Variants in LPXN observed in about 807,000 individuals in gnomAD.
The protein encoded by LPXN is leupaxin.
In LPXN, 28 loss-of-function variants were observed where a neutral mutation model predicts 45.6. The observed-to-expected ratio is 0.61, with a 90% CI of 0.45 to 0.84. The LOEUF is 0.84. LPXN is among the 40% of genes least tolerant of loss of function. The pLI is 0.00. For synonymous variants in LPXN, 166 were observed against 169.9 expected (o/e 0.98, Z 0.18); for missense variants, 459 against 475.0 (o/e 0.97, Z 0.31).
chr11:58,536,354 A>G (rs556765526), intron 7 of LPXN, among the ~76,000 whole-genome samples: 1 of 152,268 alleles, frequency 6.6e-6, no homozygotes, highest in Admixed American at 6.5e-5. Flanking sequence ...AAATAACACC[A>G]CACATCTACA....
intron 3 of LPXN, among the ~76,000 whole-genome samples, chr11:58,563,454 G>A (rs1854437225): frequency 6.6e-6 from 1 of 152,214 alleles, no homozygotes; most frequent in Non-Finnish European, 1.5e-5. Context: ...CAAATAAGGT[G>A]TGATCTAGCA....
At chr11:58,557,648 G>A (rs1443423337) in intron 3 of LPXN, among the ~76,000 whole-genome samples, 1 of 152,056 alleles carries the variant, frequency 6.6e-6, no homozygotes, top group Non-Finnish European at 1.5e-5. Flanking sequence ...AAGAACTATC[G>A]GTAATGAAAT....
chr11:58,566,505 T>C (rs990927389), intron 2 of LPXN, among the ~76,000 whole-genome samples: 3 of 152,238 alleles, frequency 2.0e-5, no homozygotes, highest in Admixed American at 1.3e-4. Context: ...TGCAAAATCA[T>C]AGACTTTCAC....
At chr11:58,577,398 T>G (rs1415959813), upstream of LPXN, among the ~76,000 whole-genome samples, 2 of 152,232 alleles carry the variant, frequency 1.3e-5, no homozygotes, top group African/African-American at 4.8e-5. Context: ...AAAAATGTAC[T>G]TCAGCACTTG....
At position 58,528,153 on chromosome 11, in the gene LPXN, C is replaced by G. The variant is rs139496767; in HGVS notation, c.781G>C (p.Asp261His). 57 of 1,614,204 alleles carry G rather than the reference C, an allele frequency of 3.5e-5. No individual in the cohort carries two copies. In the African/African-American group the frequency reaches 7.1e-4, roughly 20 times the overall value. Residue 261 changes from aspartate to histidine, a missense_variant, in exon 8 of 9, where the codon GAT (aspartate) becomes CAT (histidine). By Grantham distance (81) the Asp-to-His change is moderately conservative. Coordinates refer to ENST00000395074, the MANE Select transcript of LPXN (RefSeq NM_004811.3). ...TTGGGTGAGAACATGGCTAAGAAAT[C>G]CTTTCGGCAATATGGCTTCTTGTCC... ...EKDKKPYCRKDFLAMFSPKCG... is the reference protein window; with the variant it reads ...EKDKKPYCRKHFLAMFSPKCG...
intron 3 of LPXN, among the ~76,000 whole-genome samples, chr11:58,561,118 C>T (rs982989228): frequency 2.0e-5 from 3 of 151,928 alleles, no homozygotes; most frequent in African/African-American, 4.9e-5. Context: ...CTCTGTCTCA[C>T]GACTACTCAA....
intron 7 of LPXN, among the ~76,000 whole-genome samples, chr11:58,543,793 TC>T (rs1485088730): frequency 6.6e-6 from 1 of 152,126 alleles, no homozygotes; most frequent in East Asian, 1.9e-4. Flanking sequence ...TTCTACCTCT[TC>T]CCCACTAAGA....
chr11:58,563,154 A>G (rs1210791897), intron 3 of LPXN, among the ~76,000 whole-genome samples: 1 of 152,096 alleles, frequency 6.6e-6, no homozygotes, highest in Non-Finnish European at 1.5e-5. Context: ...GATTTAAGAA[A>G]CCAAATATTT....
intron 7 of LPXN, among the ~76,000 whole-genome samples, chr11:58,544,838 A>C (rs1232957236): frequency 1.3e-5 from 2 of 152,180 alleles, no homozygotes; most frequent in Non-Finnish European, 2.9e-5. Flanking sequence ...AATTAAAAAG[A>C]AACACAGGTA....
rs571581480 is a variant in LPXN at position 58,533,177 on chromosome 11, C to T, written c.743-4986G>A. On this transcript the variant is annotated intron_variant, in intron 7 of 8. Coordinates refer to ENST00000395074, the MANE Select transcript of LPXN (RefSeq NM_004811.3). ...CATCTTTAAGAACTGTAACACTCAC[C>T]GCAAGGGTCCGCGGCTTCATTCTTG... Among the ~76,000 whole-genome samples the T allele has an allele frequency of 8.5e-5, 13 of 152,272 alleles. No individual in the cohort carries two copies. In the South Asian group the frequency reaches 1.0e-3, roughly 12 times the overall value.
At position 58,570,629 on chromosome 11, in the gene LPXN, T is replaced by A; in HGVS notation, c.98A>T (p.His33Leu). The part of the protein sequence containing the change: ...SNPAPLPLDQ[H>L]SRKETNLDET... ...ATCAAGGTTAGTCTCCTTTCTGGAATGCTGATCCAGGGGAAGAGGAGCTGG... is the reference window on the plus strand; with the variant it reads ...ATCAAGGTTAGTCTCCTTTCTGGAAAGCTGATCCAGGGGAAGAGGAGCTGG... Residue 33 changes from histidine to leucine, a missense_variant, in exon 2 of 9, where the codon CAT (histidine) becomes CTT (leucine). His to Leu is a moderately conservative substitution (Grantham distance 99, BLOSUM62 -3). Transcript: ENST00000395074. 1 of 1,613,706 alleles carries A rather than the reference T, an allele frequency of 6.2e-7. No homozygotes were observed. The highest frequency in any genetic ancestry group is 8.5e-7 in the Non-Finnish European group (1 of 1,179,764).
upstream of LPXN, chr11:58,578,167 A>C: frequency 7.5e-7 from 1 of 1,336,904 alleles, no homozygotes; most frequent in East Asian, 2.7e-5. Context: ...AAGAAAAAGT[A>C]GGAAAAACCC....
chr11:58,568,779 T>C (rs969103534), intron 2 of LPXN, among the ~76,000 whole-genome samples: 5 of 152,122 alleles, frequency 3.3e-5, no homozygotes, highest in Admixed American at 2.6e-4. Flanking sequence ...GTTAATAGGA[T>C]GTGAGAAAAA....
chr11:58,530,443 C>G (rs1853353542), intron 7 of LPXN, among the ~76,000 whole-genome samples: 2 of 152,214 alleles, frequency 1.3e-5, no homozygotes, highest in Non-Finnish European at 2.9e-5. Flanking sequence ...GAAGATCAAA[C>G]TGGGTGGAGC....
chr11:58,547,465 G>GA (rs1311900073), intron 7 of LPXN, among the ~76,000 whole-genome samples: 2 of 152,208 alleles, frequency 1.3e-5, no homozygotes, highest in African/African-American at 4.8e-5. Flanking sequence ...GCTGAGCCTG[G>GA]AGAGCATAAA....
intron 7 of LPXN, among the ~76,000 whole-genome samples, chr11:58,530,571 AC>A (rs1853358244): frequency 6.6e-6 from 1 of 151,614 alleles, no homozygotes; most frequent in Non-Finnish European, 1.5e-5. Context: ...TATAGATAAA[AC>A]CCCCATCTCC....
intron 3 of LPXN, among the ~76,000 whole-genome samples, chr11:58,558,017 AC>A (rs763992639): frequency 2.6e-5 from 4 of 151,330 alleles, no homozygotes; most frequent in South Asian, 2.1e-4. Flanking sequence ...TTTTGGAAAA[AC>A]AAAATAGGAG....
chr11:58,541,251 C>T (rs917747470), intron 7 of LPXN, among the ~76,000 whole-genome samples: 1 of 152,048 alleles, frequency 6.6e-6, no homozygotes. Flanking sequence ...AGTGAACAGG[C>T]AACTTACAAA....
At chr11:58,531,583 T>A (rs190158443) in intron 7 of LPXN, among the ~76,000 whole-genome samples, 1 of 152,258 alleles carries the variant, frequency 6.6e-6, no homozygotes, top group Non-Finnish European at 1.5e-5. Context: ...TACGTTTGAC[T>A]GGTGTACCTG....
Sources: gnomAD v4.1 joint callset for allele counts (sites outside exome capture counted in the v4.1 genomes callset) on GRCh38, gnomAD v4.1.1 for gene constraint, MANE v1.5 for transcripts, NCBI Gene and HGNC (gene_info 2026-07-23, HGNC 2026-07-21) for gene names.